Variants in RPTOR observed in about 807,000 individuals in gnomAD.
RPTOR encodes the protein regulatory associated protein of MTOR complex 1.
A neutral mutation model predicts 169.9 loss-of-function variants in RPTOR; 21 were observed. That is an observed-to-expected ratio of 0.12 (90% CI 0.09 to 0.18). The LOEUF (loss-of-function observed/expected upper bound fraction) is 0.18. RPTOR is among the 10% of genes least tolerant of loss of function. RPTOR has a pLI of 1.00. For missense variants in RPTOR, 1,133 were observed against 1,855.9 expected, an observed-to-expected ratio of 0.61 and a Z score of 7.16; for synonymous variants, 732 against 753.2, an observed-to-expected ratio of 0.97 and a Z score of 0.46.
At chr17:80,751,568 C>T (rs571687437) in intron 5 of RPTOR, among the ~76,000 whole-genome samples, 7 of 152,238 alleles carry the variant, frequency 4.6e-5, no homozygotes, top group Admixed American at 2.6e-4. Context: ...CCCGTCAAGC[C>T]GGGGAGCGCA....
chr17:80,714,557 CAT>C (rs921538991), intron 4 of RPTOR, among the ~76,000 whole-genome samples: 5 of 152,096 alleles, frequency 3.3e-5, no homozygotes, highest in African/African-American at 7.2e-5. Context: ...TGAAATACCA[CAT>C]GAGTCAAAGA....
At chr17:80,582,267 T>C (rs893084170) in intron 1 of RPTOR, among the ~76,000 whole-genome samples, 5 of 152,176 alleles carry the variant, frequency 3.3e-5, no homozygotes, top group Non-Finnish European at 5.9e-5. Context: ...TTAGATGGGT[T>C]GAACCTTTAA....
chr17:80,834,475 C>T (rs2067541736), intron 9 of RPTOR, among the ~76,000 whole-genome samples: 1 of 152,170 alleles, frequency 6.6e-6, no homozygotes, highest in Non-Finnish European at 1.5e-5. Context: ...CCTCCTGAGC[C>T]TCTGTGCATC....
intron 6 of RPTOR, among the ~76,000 whole-genome samples, chr17:80,784,847 C>T (rs1374697110): frequency 1.3e-5 from 2 of 151,946 alleles, no homozygotes; most frequent in African/African-American, 2.4e-5. Context: ...TACAGGTGTC[C>T]GCCACCACGC....
At chr17:80,912,500 T>G (rs993387007) in intron 21 of RPTOR, among the ~76,000 whole-genome samples, 4 of 152,192 alleles carry the variant, frequency 2.6e-5, no homozygotes, top group African/African-American at 9.7e-5. Flanking sequence ...TCCGAGTGCC[T>G]AATCTTGAAA....
intron 4 of RPTOR, among the ~76,000 whole-genome samples, chr17:80,728,780 C>T (rs749942620): frequency 1.4e-4 from 21 of 150,936 alleles, no homozygotes; most frequent in Non-Finnish European, 2.8e-4. Context: ...TGTTAAATTC[C>T]GTGAATGGAA....
chr17:80,682,595 A>G (rs1374903022), intron 3 of RPTOR, among the ~76,000 whole-genome samples: 1 of 152,238 alleles, frequency 6.6e-6, no homozygotes, highest in African/African-American at 2.4e-5. Context: ...GCCCACGGCC[A>G]CCAGAAACTG....
At chr17:80,627,955 C>T (rs903021709) in intron 2 of RPTOR, among the ~76,000 whole-genome samples, 1 of 151,910 alleles carries the variant, frequency 6.6e-6, no homozygotes, top group African/African-American at 2.4e-5. Context: ...TCTCCTGCCT[C>T]AGCCTCCCGA....
Position 80,960,304 on chromosome 17 carries a change from G to C in RPTOR, c.3605+99G>C. 2.6e-6 allele frequency: 4 copies of C among 1,511,262 alleles called. No homozygotes were observed. The highest frequency in any genetic ancestry group is 3.6e-6 in the Non-Finnish European group (4 of 1,104,668). The allele number at this position is 1,511,262 out of a possible 1,614,324, so 93.6% of individuals were successfully genotyped here. ...CATTTGGTTGGGTCCAGGTTTCTCA[G>C]TGAGATGCAAAGCTTCCCCAGGAGC... is the stretch of plus-strand genomic sequence containing the variant. On this transcript the variant is annotated intron_variant, in intron 30 of 33. Coordinates refer to ENST00000306801, the MANE Select transcript of RPTOR (RefSeq NM_020761.3). This position sits in a 1 kb window ranked among gnomAD's most constrained non-coding sequence, Gnocchi z 4.8.
intron 1 of RPTOR, among the ~76,000 whole-genome samples, chr17:80,554,791 A>AAC (rs2084388674): frequency 2.0e-5 from 3 of 151,948 alleles, no homozygotes; most frequent in Non-Finnish European, 2.9e-5. Context: ...CAACAAAAAA[A>AAC]ATGAGAATCC....
chr17:80,940,734 C>A (rs1487142755), intron 25 of RPTOR, 133 bp downstream of exon 25: 5 of 650,826 alleles, frequency 7.7e-6, no homozygotes, highest in African/African-American at 1.8e-5. Context: ...GACAGACCCG[C>A]CCCGCACCCC....
At chr17:80,949,407 G>T in intron 27 of RPTOR, 36 bp from the exon 28 acceptor site, 1 of 1,553,274 alleles carries the variant, frequency 6.4e-7, no homozygotes, top group Non-Finnish European at 8.9e-7. Flanking sequence ...GCCATCGAGG[G>T]GCCTGGTTCA....
In RPTOR at chr17:80,828,058, C is replaced by T. The variant is rs552398293; in HGVS notation, c.1136+4835C>T. Among the ~76,000 whole-genome samples the T allele has an allele frequency of 2.8e-4, 42 of 152,304 alleles. No homozygotes were observed. The South Asian group carries it at 8.5e-3, about 31-fold the overall frequency. ...ATGAGCTTCTGTTTCAGGCGCATCC[C>T]TGGGACAGGAGTGCACCCAGGCAGA... On this transcript the variant is annotated intron_variant, in intron 9 of 33. Transcript: ENST00000306801.
intron 1 of RPTOR, among the ~76,000 whole-genome samples, chr17:80,599,353 A>G (rs899459417): frequency 2.6e-5 from 4 of 152,098 alleles, no homozygotes; most frequent in Admixed American, 2.6e-4. Flanking sequence ...GCCCTTTCCT[A>G]ATTCTTGACC....
chr17:80,936,458 T>A lies in RPTOR; in HGVS notation c.2920-4038T>A, dbSNP rs756968916. On this transcript the variant is annotated intron_variant, in intron 24 of 33. Transcript: ENST00000306801. The surrounding 1 kb of genome is among the most constrained non-coding windows in gnomAD (Gnocchi z 4.1). ...AAACTGGAAACAACCCAAGTTTCCT[T>A]CACCTCGTAAAGAGAGAAGCTGATA... Among the ~76,000 whole-genome samples the A allele has an allele frequency of 2.0e-5, 3 of 152,198 alleles. No individual in the cohort carries two copies. The highest frequency in any genetic ancestry group is 4.4e-5 in the Non-Finnish European group (3 of 68,032).
rs2067721278 is a variant in RPTOR at position 80,845,691 on chromosome 17, G to A, written c.1213-782G>A. Among the ~76,000 whole-genome samples, 1 of 151,966 alleles carries A rather than the reference G, an allele frequency of 6.6e-6. No homozygotes were observed. On this transcript the variant is annotated intron_variant, in intron 10 of 33. Transcript: ENST00000306801. The surrounding 1 kb of genome is among the most constrained non-coding windows in gnomAD (Gnocchi z 5.4). ...CCCCATTACTCCACATCTACAAAAA[G>A]CACTTCCTGACCCTACATCCCTCTC...
intron 3 of RPTOR, among the ~76,000 whole-genome samples, chr17:80,688,700 T>C (rs2065967503): frequency 6.6e-6 from 1 of 152,268 alleles, no homozygotes; most frequent in South Asian, 2.1e-4. Flanking sequence ...AAGTGAGCTG[T>C]AGAGGCAGCC....
intron 26 of RPTOR, among the ~76,000 whole-genome samples, chr17:80,946,461 T>C (rs774800856): frequency 1.3e-5 from 2 of 152,196 alleles, no homozygotes; most frequent in African/African-American, 4.8e-5. Flanking sequence ...AAACCAAAAC[T>C]TGGTCCCCAT....
chr17:80,881,535 G>A (rs1208102560), intron 14 of RPTOR, among the ~76,000 whole-genome samples: 1 of 152,248 alleles, frequency 6.6e-6, no homozygotes, highest in Non-Finnish European at 1.5e-5. Context: ...GAATGAAAAG[G>A]AGGCTGGGTA....
Sources: allele counts gnomAD v4.1 joint callset (sites outside exome capture counted in the v4.1 genomes callset), GRCh38; gene constraint gnomAD v4.1.1; non-coding constraint Gnocchi (gnomAD v3.1); transcripts MANE v1.5; gene names NCBI Gene and HGNC (gene_info 2026-07-23, HGNC 2026-07-21).